The following RELN variants were observed in gnomAD, a reference collection of about 807,000 sequenced individuals.
RELN encodes reelin.
RELN carries 108 observed loss-of-function variants against 427.6 expected under a neutral mutation model. The observed-to-expected ratio is 0.25, with a 90% CI of 0.22 to 0.30. The LOEUF (loss-of-function observed/expected upper bound fraction) is 0.30, where lower values mean the gene tolerates loss of function less well. Ranked by LOEUF, RELN falls within the 10% of genes least tolerant of loss-of-function variation. The pLI, the probability that RELN is intolerant of heterozygous loss-of-function variation, is 1.00. For synonymous variants in RELN, 1,524 were observed against 1,513.4 expected (o/e 1.01, Z -0.16); for missense variants, 3,715 against 4,302.8 (o/e 0.86, Z 3.82).
At chr7:103,863,991 G>C (rs1197639742) in intron 2 of RELN, among the ~76,000 whole-genome samples, 1 of 152,040 alleles carries the variant, frequency 6.6e-6, no homozygotes, top group Non-Finnish European at 1.5e-5. Context: ...CCCAGCCTGG[G>C]GATGCTCACA....
chr7:103,877,214 C>T (rs1192180510), intron 2 of RELN, among the ~76,000 whole-genome samples: 2 of 152,132 alleles, frequency 1.3e-5, no homozygotes, highest in Non-Finnish European at 2.9e-5. Flanking sequence ...TATGGCTTTA[C>T]TTGTCATCTA....
At chr7:103,691,300 T>A (rs1833865824) in intron 10 of RELN, among the ~76,000 whole-genome samples, 1 of 152,100 alleles carries the variant, frequency 6.6e-6, no homozygotes, top group Admixed American at 6.6e-5. Flanking sequence ...TAAACAAGAA[T>A]AGGCTCAGAT....
intron 2 of RELN, among the ~76,000 whole-genome samples, chr7:103,870,598 C>T (rs550178631): frequency 6.6e-6 from 1 of 152,194 alleles, no homozygotes; most frequent in South Asian, 2.1e-4. Context: ...ATTGCCAAAG[C>T]ATGACCCTTC....
chr7:103,489,194 T>C (rs570844492), intron 60 of RELN, among the ~76,000 whole-genome samples: 2 of 123,434 alleles, frequency 1.6e-5, no homozygotes, highest in Admixed American at 7.5e-5. Context: ...TTTCTTTGAG[T>C]CATAAAGGGG....
chr7:103,715,918 T>A (rs1057275747), intron 8 of RELN, among the ~76,000 whole-genome samples: 1 of 152,220 alleles, frequency 6.6e-6, no homozygotes, highest in African/African-American at 2.4e-5. Context: ...AGGGCCCATG[T>A]AAACTACACC....
At chr7:103,863,826 T>A (rs898887336) in intron 2 of RELN, among the ~76,000 whole-genome samples, 4 of 152,110 alleles carry the variant, frequency 2.6e-5, no homozygotes, top group Non-Finnish European at 5.9e-5. Context: ...TCAATTTTTT[T>A]TTTTTTAGAA....
At chr7:103,540,517 C>T (rs537194718) in intron 43 of RELN, 62 bp from the exon 44 acceptor site, 2 of 1,514,874 alleles carry the variant, frequency 1.3e-6, no homozygotes, top group Admixed American at 1.7e-5. Context: ...TGCTTAACAA[C>T]AGACAAGCAC....
intron 61 of RELN, among the ~76,000 whole-genome samples, chr7:103,485,588 G>A (rs1240935642): frequency 6.6e-6 from 1 of 152,136 alleles, no homozygotes; most frequent in Admixed American, 6.5e-5. Flanking sequence ...AGCCAAAGCT[G>A]GGAAGGGCAG....
chr7:103,801,262 CT>C (rs1233341223), intron 3 of RELN, among the ~76,000 whole-genome samples: 1 of 152,200 alleles, frequency 6.6e-6, no homozygotes, highest in Non-Finnish European at 1.5e-5. Context: ...AATCATGCTA[CT>C]TTAAAGACAC....
At chr7:103,786,692 A>T (rs1199855427) in intron 3 of RELN, among the ~76,000 whole-genome samples, 3 of 152,164 alleles carry the variant, frequency 2.0e-5, no homozygotes, top group African/African-American at 7.2e-5. Flanking sequence ...GAGCATCCAG[A>T]TTCATAAAGC....
chr7:103,775,922 G>A (rs1584484006), intron 4 of RELN, among the ~76,000 whole-genome samples: 2 of 152,260 alleles, frequency 1.3e-5, no homozygotes, highest in Middle Eastern at 3.4e-3. Flanking sequence ...AGTGGTAAAT[G>A]CTATAATGGA....
chr7:103,748,826 C>T (rs1424420064), intron 6 of RELN, among the ~76,000 whole-genome samples: 2 of 152,136 alleles, frequency 1.3e-5, no homozygotes, highest in Non-Finnish European at 2.9e-5. Context: ...CCAAATTATG[C>T]AAATTGATTT....
At chr7:103,801,130 G>A (rs545686325) in intron 3 of RELN, among the ~76,000 whole-genome samples, 23 of 152,186 alleles carry the variant, frequency 1.5e-4, no homozygotes, top group Non-Finnish European at 2.8e-4. Context: ...TACACTGTTG[G>A]TGGGACTGTA....
At chr7:103,510,148 C>G (rs983168635) in intron 51 of RELN, among the ~76,000 whole-genome samples, 34 of 152,110 alleles carry the variant, frequency 2.2e-4, no homozygotes, top group Admixed American at 1.7e-3. Context: ...GGTATATACC[C>G]AAAGGATTAT....
chr7:103,799,983 T>C (rs1792404317), intron 3 of RELN, among the ~76,000 whole-genome samples: 2 of 150,912 alleles, frequency 1.3e-5, no homozygotes, highest in African/African-American at 5.0e-5. Flanking sequence ...TGACGGAACA[T>C]ATCTTAAATA....
intron 7 of RELN, among the ~76,000 whole-genome samples, chr7:103,727,894 T>C (rs1222382545): frequency 6.6e-6 from 1 of 151,356 alleles, no homozygotes; most frequent in African/African-American, 2.4e-5. Flanking sequence ...TTTAATGATA[T>C]CCATTGATGC....
At chr7:103,774,951 T>C (rs1486833352) in intron 4 of RELN, among the ~76,000 whole-genome samples, 1 of 152,192 alleles carries the variant, frequency 6.6e-6, no homozygotes, top group Admixed American at 6.5e-5. Flanking sequence ...CATTTTTCTT[T>C]TCCTCACTGG....
intron 64 of RELN, among the ~76,000 whole-genome samples, chr7:103,475,356 C>A (rs541105986): frequency 6.6e-6 from 1 of 152,106 alleles, no homozygotes; most frequent in African/African-American, 2.4e-5. Flanking sequence ...CGCACCATAG[C>A]ACTGAGCCTC....
chr7:103,965,967 AT>A (rs1342911763), intron 1 of RELN, among the ~76,000 whole-genome samples: 1 of 152,210 alleles, frequency 6.6e-6, no homozygotes, highest in Non-Finnish European at 1.5e-5. Flanking sequence ...TTTAGAATTT[AT>A]TAAGAAAAAT....
Sources: gnomAD v4.1 joint callset for allele counts (sites outside exome capture counted in the v4.1 genomes callset) on GRCh38, gnomAD v4.1.1 for gene constraint, MANE v1.5 for transcripts, NCBI Gene and HGNC (gene_info 2026-07-23, HGNC 2026-07-21) for gene names.